The following TNFSF9 variants were observed in gnomAD, a reference collection of about 807,000 sequenced individuals.
The protein encoded by TNFSF9 is TNF superfamily member 9, also known as tumor necrosis factor ligand superfamily member 9.
Under a neutral mutation model 10.3 loss-of-function variants are expected in TNFSF9, and 10 were observed. The ratio of observed to expected loss-of-function variants is 0.97; its 90% CI spans 0.60 to 1.65. TNFSF9 has a LOEUF of 1.65. Among genes scored for constraint, TNFSF9 ranks in the 40% most tolerant of loss-of-function variants. TNFSF9 has a pLI of 0.00. For synonymous variants in TNFSF9, 195 were observed against 176.1 expected, an observed-to-expected ratio of 1.11 and a Z score of -0.85; for missense variants, 361 against 348.9, an observed-to-expected ratio of 1.03 and a Z score of -0.28.
Position 6,535,776 on chromosome 19 carries a change from C to G in TNFSF9, c.*710C>G, listed in dbSNP as rs1915252180. ...ACCTCCCGAGGCTCAGGTGATCCTC[C>G]CATCTCAGCCTCTCGAGTAGCTGGG... On this transcript the variant is annotated 3_prime_UTR_variant, in exon 3 of 3. Coordinates refer to ENST00000245817, the MANE Select transcript of TNFSF9 (RefSeq NM_003811.4). 6.6e-6 allele frequency: 1 copy of G among 152,180 alleles called. No homozygotes were observed. Among genetic ancestry groups the G allele is most frequent in the Non-Finnish European group, 1.5e-5 (1 of 68,044 alleles). 9.4% of individuals were successfully genotyped at this position (152,180 alleles called of 1,614,324 possible).
In TNFSF9 at chr19:6,531,313, G is replaced by A; in HGVS notation, c.267+10G>A. On this transcript the variant is annotated intron_variant, in intron 1 of 2. Transcript: ENST00000245817. Reference sequence around the variant, plus strand: ...CTTGGACCTGCGGCAGGTGAGACGTGCCCCGACCCTCGGTAGCTGGTCTCG... The same window carrying A: ...CTTGGACCTGCGGCAGGTGAGACGTACCCCGACCCTCGGTAGCTGGTCTCG... The A allele has an allele frequency of 6.8e-7, 1 of 1,472,768 alleles. No homozygotes were observed. Among genetic ancestry groups the A allele is most frequent in the Non-Finnish European group, 8.9e-7 (1 of 1,119,148 alleles). 91.2% of individuals were successfully genotyped at this position (1,472,768 alleles called of 1,614,324 possible). A position where few individuals can be genotyped will look rare whatever the true frequency, so the allele number is the denominator to read the frequency against.
rs566337958 is a variant in TNFSF9 at position 6,532,925 on chromosome 19, C to T, written c.298+109C>T. On this transcript the variant is annotated intron_variant, in intron 2 of 2. Transcript: ENST00000245817. ...GGCTCTGCCGCACACTGGCTTTGAC[C>T]CTTGACCGCTGCTGTCTCTGAAAGC... 1.1e-5 allele frequency: 16 copies of T among 1,488,634 alleles called. No homozygotes were observed. In the African/African-American group the frequency reaches 1.9e-4, roughly 18 times the overall value. 92.2% of individuals were successfully genotyped at this position (1,488,634 alleles called of 1,614,324 possible). A position where few individuals can be genotyped will look rare whatever the true frequency, so the allele number is the denominator to read the frequency against.
At chr19:6,531,389 C>A in intron 1 of TNFSF9, 86 bp downstream of exon 1, 1 of 1,369,240 alleles carries the variant, frequency 7.3e-7, no homozygotes, top group Non-Finnish European at 9.4e-7. Context: ...CCCGCACCCC[C>A]AGGGACACCT....
At chr19:6,532,142 G>A (rs1485114684) in intron 1 of TNFSF9, among the ~76,000 whole-genome samples, 3 of 152,182 alleles carry the variant, frequency 2.0e-5, no homozygotes, top group Non-Finnish European at 2.9e-5. Flanking sequence ...CAACATCTGA[G>A]GTACCCCTCT....
rs888866702 is a variant in TNFSF9 at position 6,535,378 on chromosome 19, C to T, written c.*312C>T. ...GTTGTTTTGGGGGGGGGGGGGTCTT[C>T]GACATTGCCGAGGCTGGTCTTGAAC... On this transcript the variant is annotated 3_prime_UTR_variant, in exon 3 of 3. Coordinates refer to ENST00000245817, the MANE Select transcript of TNFSF9 (RefSeq NM_003811.4). 2 of 143,642 alleles carry T rather than the reference C, an allele frequency of 1.4e-5. No individual in the cohort carries two copies. Among genetic ancestry groups the T allele is most frequent in the Non-Finnish European group, 3.0e-5 (2 of 66,504 alleles). The allele number at this position is 143,642 out of a possible 1,614,324, so 8.9% of individuals were successfully genotyped here.
intron 2 of TNFSF9, 144 bp from the exon 3 acceptor site, chr19:6,534,456 C>T (rs1352896863): frequency 2.4e-5 from 16 of 665,188 alleles, no homozygotes; most frequent in African/African-American, 1.3e-4. Context: ...TCCCCTGTCC[C>T]GCTCCCTGCC....
rs1324991211 is a variant in TNFSF9 at position 6,534,851 on chromosome 19, G to A, written c.550G>A (p.Asp184Asn). Residue 184 changes from aspartate to asparagine, a missense_variant, in exon 3 of 3, where the codon GAC becomes AAC. Asp to Asn is a conservative substitution (Grantham distance 23). Coordinates refer to ENST00000245817, the MANE Select transcript of TNFSF9 (RefSeq NM_003811.4). The part of the protein sequence containing the change: ...AGAAALALTV[D>N]LPPASSEARN... ...GGCCGCCGCCCTGGCTTTGACCGTG[G>A]ACCTGCCACCCGCCTCCTCCGAGGC... 2 of 1,606,740 alleles carry A rather than the reference G, an allele frequency of 1.2e-6. No homozygotes were observed. Among genetic ancestry groups the A allele is most frequent in the African/African-American group, 2.7e-5 (2 of 74,836 alleles).
chr19:6,532,817 G>T lies in TNFSF9; in HGVS notation c.298+1G>T, dbSNP rs529462684. ...TTTGCGCAGCTGGTGGCCCAAAATG[G>T]TAAGTATCCTCCGCCACTTCCGGTC... On this transcript the variant is annotated splice_donor_variant, in intron 2 of 2. Transcript: ENST00000245817. LOFTEE classifies it high-confidence loss of function. 1 of 1,613,706 alleles carries T rather than the reference G, an allele frequency of 6.2e-7. No homozygotes were observed. The highest frequency in any genetic ancestry group is 8.5e-7 in the Non-Finnish European group (1 of 1,179,786).
Position 6,531,310 on chromosome 19 carries a change from C to A in TNFSF9, c.267+7C>A. ...CCTCTTGGACCTGCGGCAGGTGAGACGTGCCCCGACCCTCGGTAGCTGGTC... is the reference window on the plus strand; with the variant it reads ...CCTCTTGGACCTGCGGCAGGTGAGAAGTGCCCCGACCCTCGGTAGCTGGTC... On this transcript the variant is annotated splice_region_variant and intron_variant, in intron 1 of 2. Transcript: ENST00000245817. The A allele has an allele frequency of 6.8e-7, 1 of 1,476,784 alleles. No individual in the cohort carries two copies. Among genetic ancestry groups the A allele is most frequent in the Non-Finnish European group, 8.9e-7 (1 of 1,120,902 alleles). The allele number at this position is 1,476,784 out of a possible 1,614,324, so 91.5% of individuals were successfully genotyped here. A position where few individuals can be genotyped will look rare whatever the true frequency, so the allele number is the denominator to read the frequency against.
At chr19:6,532,548 C>T (rs1330423314) in intron 1 of TNFSF9, among the ~76,000 whole-genome samples, 2 of 139,860 alleles carry the variant, frequency 1.4e-5, no homozygotes, top group African/African-American at 5.4e-5. Flanking sequence ...CGTGTTTGTT[C>T]GTGTGTCTGT....
intron 2 of TNFSF9, among the ~76,000 whole-genome samples, chr19:6,533,308 T>G: frequency 2.8e-5 from 1 of 35,548 alleles, no homozygotes; most frequent in Non-Finnish European, 5.8e-5. Context: ...TCCCTGCCCC[T>G]TCCCCAAACC....
Position 6,531,282 on chromosome 19 carries a change from C to G in TNFSF9, c.246C>G (p.Ala82=). 6.6e-7 allele frequency: 1 copy of G among 1,506,114 alleles called. No individual in the cohort carries two copies. Among genetic ancestry groups the G allele is most frequent in the Non-Finnish European group, 8.8e-7 (1 of 1,135,780 alleles). The allele number at this position is 1,506,114 out of a possible 1,614,324, so 93.3% of individuals were successfully genotyped here. Residue 82 remains alanine (A), a synonymous_variant, in exon 1 of 3, where the codon GCC becomes GCG. Transcript: ENST00000245817. The stretch of plus-strand genomic sequence containing the variant: ...CCGAGCTTTCGCCCGACGATCCCGC[C>G]GGCCTCTTGGACCTGCGGCAGGTGA... ...EGPELSPDDP[A]GLLDLRQGMF...
intron 1 of TNFSF9, 69 bp downstream of exon 1, chr19:6,531,372 T>A: frequency 7.2e-7 from 1 of 1,380,078 alleles, no homozygotes. Flanking sequence ...GGGACTCCCT[T>A]CTCCCTCCCG....
At chr19:6,534,518 CG>C in intron 2 of TNFSF9, 81 bp from the exon 3 acceptor site, 1 of 1,292,366 alleles carries the variant, frequency 7.7e-7, no homozygotes, top group Admixed American at 2.4e-5. Context: ...CCCAGGGCTG[CG>C]CTGACATGTT....
At chr19:6,531,778 C>T (rs1027175582) in intron 1 of TNFSF9, among the ~76,000 whole-genome samples, 2 of 152,144 alleles carry the variant, frequency 1.3e-5, no homozygotes, top group African/African-American at 4.8e-5. Context: ...AGGAGACCCC[C>T]ACAGTCCTCA....
intron 2 of TNFSF9, among the ~76,000 whole-genome samples, chr19:6,533,173 C>G (rs1915184747): frequency 6.6e-6 from 1 of 151,568 alleles, no homozygotes; most frequent in Non-Finnish European, 1.5e-5. Flanking sequence ...CTTTCCTGCC[C>G]CTTCCCCACT....
intron 1 of TNFSF9, among the ~76,000 whole-genome samples, chr19:6,532,492 C>T (rs1312883023): frequency 7.5e-6 from 1 of 132,870 alleles, no homozygotes; most frequent in Non-Finnish European, 1.6e-5. Context: ...TGTGTGTGTT[C>T]GTGTGGGTGT....
intron 1 of TNFSF9, among the ~76,000 whole-genome samples, chr19:6,531,594 G>C (rs996958506): frequency 6.6e-6 from 1 of 151,746 alleles, no homozygotes; most frequent in South Asian, 2.1e-4. Context: ...AGTCCGGGGG[G>C]CACCCCTTTC....
intron 2 of TNFSF9, among the ~76,000 whole-genome samples, chr19:6,534,265 A>G (rs1371552331): frequency 7.5e-5 from 11 of 146,616 alleles, no homozygotes; most frequent in Non-Finnish European, 9.1e-5. Context: ...TCCCCACCCA[A>G]CCTCTTGGAG....
Sources: gnomAD v4.1 joint callset for allele counts (sites outside exome capture counted in the v4.1 genomes callset) on GRCh38, gnomAD v4.1.1 for gene constraint, MANE v1.5 for transcripts, NCBI Gene and HGNC (gene_info 2026-07-23, HGNC 2026-07-21) for gene names.